ANKS1B: variants seen among roughly 807,000 people sequenced by gnomAD.
ANKS1B encodes the protein ankyrin repeat and sterile alpha motif domain-containing protein 1B.
ANKS1B carries 36 observed loss-of-function variants against 148.3 expected under a neutral mutation model. That is an observed-to-expected ratio of 0.24 (90% CI 0.19 to 0.32). ANKS1B has a LOEUF of 0.32. Among genes scored for constraint, ANKS1B ranks in the 10% least tolerant of loss-of-function variants. The pLI is 1.00. For missense variants in ANKS1B, 1,157 were observed against 1,542.6 expected (o/e 0.75, Z 4.19); for synonymous variants, 542 against 560.8 (o/e 0.97, Z 0.47).
intron 1 of ANKS1B, among the ~76,000 whole-genome samples, chr12:99,930,978 T>C (rs1178128894): frequency 6.6e-6 from 1 of 152,052 alleles, no homozygotes; most frequent in African/African-American, 2.4e-5. Flanking sequence ...ATTAAGAAAA[T>C]GTGGCACACA....
intron 9 of ANKS1B, among the ~76,000 whole-genome samples, chr12:99,569,181 A>T (rs1253663308): frequency 6.6e-6 from 1 of 152,250 alleles, no homozygotes; most frequent in Non-Finnish European, 1.5e-5. Context: ...TTTAAAAAAC[A>T]TATATTGTTA....
chr12:99,053,942 T>A (rs2099967871), intron 16 of ANKS1B, among the ~76,000 whole-genome samples: 1 of 152,244 alleles, frequency 6.6e-6, no homozygotes, highest in African/African-American at 2.4e-5. Context: ...TTTTGTCAGC[T>A]ATATACAGAT....
chr12:99,057,821 G>A (rs551629706), intron 16 of ANKS1B, among the ~76,000 whole-genome samples: 79 of 152,304 alleles, frequency 5.2e-4, no homozygotes, highest in Middle Eastern at 3.4e-3. Context: ...AGCAAGTGCT[G>A]AGAAGTTGCA....
chr12:99,290,999 A>T (rs2079885536), intron 12 of ANKS1B, among the ~76,000 whole-genome samples: 1 of 152,146 alleles, frequency 6.6e-6, no homozygotes, highest in African/African-American at 2.4e-5. Flanking sequence ...TTGTTTACAG[A>T]TGATAAAATC....
chr12:99,190,684 A>C (rs568177910), intron 14 of ANKS1B, among the ~76,000 whole-genome samples: 1 of 152,320 alleles, frequency 6.6e-6, no homozygotes, highest in South Asian at 2.1e-4. Flanking sequence ...ACCTTATACA[A>C]AAATTAACTG....
intron 1 of ANKS1B, among the ~76,000 whole-genome samples, chr12:99,920,435 T>C (rs2094316280): frequency 6.6e-6 from 1 of 151,800 alleles, no homozygotes; most frequent in African/African-American, 2.4e-5. Context: ...TTTATTCATA[T>C]AATCAAGAGT....
At chr12:99,177,203 G>A (rs540567682) in intron 14 of ANKS1B, among the ~76,000 whole-genome samples, 8 of 152,246 alleles carry the variant, frequency 5.3e-5, no homozygotes, top group East Asian at 1.9e-4. Flanking sequence ...TTACGAAAAC[G>A]TCCATGCCCA....
At chr12:99,273,624 T>C (rs1323366433) in intron 12 of ANKS1B, among the ~76,000 whole-genome samples, 1 of 142,876 alleles carries the variant, frequency 7.0e-6, no homozygotes, top group Non-Finnish European at 1.5e-5. Context: ...ACACCCAGGC[T>C]GGAGTGCAGT....
chr12:98,953,537 G>GTTTTTTTTTTTTTTTTTTTTTTTTT (rs1166158783), intron 17 of ANKS1B, among the ~76,000 whole-genome samples: 7 of 57,456 alleles, frequency 1.2e-4, no homozygotes, highest in African/African-American at 4.4e-4. Flanking sequence ...ATCTAGAGTG[G>GTTTTTTTTTTTTTTTTTTTTTTTTT]TTTTTTTTTT....
At position 99,235,019 on chromosome 12, in the gene ANKS1B, GC is replaced by G. The variant is rs563533133; in HGVS notation, c.2419+9322del. ...AAAAATTGAGGCACACACAGAGCCA[GC>G]CTCTGTTAATAACAATGATTCTTTG... On this transcript the variant is annotated intron_variant, in intron 14 of 26. Transcript: ENST00000683438. 2.2e-3 allele frequency among the ~76,000 whole-genome samples: 342 copies of G among 152,282 alleles called. 1 individual carries two copies. Among genetic ancestry groups the G allele is most frequent in the Non-Finnish European group, 3.5e-3 (239 of 68,014 alleles).
intron 14 of ANKS1B, among the ~76,000 whole-genome samples, chr12:99,155,302 T>G (rs1047892677): frequency 3.9e-5 from 6 of 152,178 alleles, no homozygotes; most frequent in Non-Finnish European, 7.3e-5. Context: ...TTCTTTACCA[T>G]GCTATAGCAA....
chr12:99,361,185 T>C (rs1444833608), intron 12 of ANKS1B, among the ~76,000 whole-genome samples: 12 of 152,146 alleles, frequency 7.9e-5, no homozygotes, highest in African/African-American at 2.9e-4. Flanking sequence ...TTCTTTATGA[T>C]GTAATTATTT....
intron 17 of ANKS1B, among the ~76,000 whole-genome samples, chr12:98,928,330 T>C (rs943383023): frequency 1.3e-4 from 20 of 150,070 alleles, no homozygotes; most frequent in Non-Finnish European, 4.4e-5. Context: ...TAGGCCAAAA[T>C]GGCCTTATTA....
At chr12:98,882,027 T>C (rs530939919) in intron 17 of ANKS1B, among the ~76,000 whole-genome samples, 1 of 152,126 alleles carries the variant, frequency 6.6e-6, no homozygotes, top group Non-Finnish European at 1.5e-5. Flanking sequence ...CTATGGAAAT[T>C]CACTGTTATA....
chr12:99,677,683 G>T (rs2098586400), intron 8 of ANKS1B, among the ~76,000 whole-genome samples: 1 of 152,124 alleles, frequency 6.6e-6, no homozygotes, highest in Non-Finnish European at 1.5e-5. Context: ...ATACACCAAA[G>T]AAATAAAGTT....
Position 98,800,690 on chromosome 12 carries a change from A to ATATATATATATATG in ANKS1B, c.3270+306_3270+307insCATATATATATATA. Among the ~76,000 whole-genome samples the ATATATATATATATG allele has an allele frequency of 4.2e-3, 580 of 137,998 alleles. 19 individuals are homozygous for ATATATATATATATG. Among genetic ancestry groups the ATATATATATATATG allele is most frequent in the African/African-American group, 0.015 (556 of 38,336 alleles). The allele number at this position is 137,998 out of a possible 152,430, so 90.5% of individuals were successfully genotyped here. A position where few individuals can be genotyped will look rare whatever the true frequency, so the allele number is the denominator to read the frequency against. ...AGTGAGCAGAGATATATATATATAT[A>ATATATATATATATG]TGCCATATTTACACTCATTTCCATT... On this transcript the variant is annotated intron_variant, in intron 21 of 26. Coordinates refer to ENST00000683438, the MANE Select transcript of ANKS1B (RefSeq NM_001352186.2).
intron 4 of ANKS1B, among the ~76,000 whole-genome samples, chr12:99,800,950 C>A (rs888854179): frequency 4.8e-4 from 73 of 152,168 alleles, no homozygotes; most frequent in African/African-American, 1.6e-3. Context: ...AGCCCTGGGA[C>A]ACTCCGATGC....
At chr12:99,250,620 A>G (rs531649207) in intron 12 of ANKS1B, among the ~76,000 whole-genome samples, 4 of 152,314 alleles carry the variant, frequency 2.6e-5, no homozygotes, top group African/African-American at 9.6e-5. Context: ...AGGTTTTCCC[A>G]GGCCAGAAGA....
intron 17 of ANKS1B, among the ~76,000 whole-genome samples, chr12:98,880,493 A>G (rs924371035): frequency 2.6e-5 from 4 of 152,126 alleles, no homozygotes; most frequent in African/African-American, 4.8e-5. Flanking sequence ...CTGGCCGGGC[A>G]CGGTGGCTCA....
Sources: gnomAD v4.1 joint callset for allele counts (sites outside exome capture counted in the v4.1 genomes callset) on GRCh38, gnomAD v4.1.1 for gene constraint, MANE v1.5 for transcripts, NCBI Gene and HGNC (gene_info 2026-07-23, HGNC 2026-07-21) for gene names.